Variants in DLG2 observed in about 807,000 individuals in gnomAD.
The protein encoded by DLG2 is disks large homolog 2.
DLG2 carries 45 observed loss-of-function variants against 132.5 expected under a neutral mutation model. The observed-to-expected ratio is 0.34, with a 90% CI of 0.27 to 0.44. The LOEUF (loss-of-function observed/expected upper bound fraction) is 0.44, where lower values mean the gene tolerates loss of function less well. DLG2 is among the 20% of genes least tolerant of loss of function. The pLI is 1.00. For synonymous variants in DLG2, 424 were observed against 419.6 expected (o/e 1.01, Z -0.13); for missense variants, 1,045 against 1,196.9 (o/e 0.87, Z 1.87).
intron 7 of DLG2, among the ~76,000 whole-genome samples, chr11:84,357,144 G>A (rs962619500): frequency 4.6e-5 from 7 of 152,160 alleles, no homozygotes; most frequent in South Asian, 2.1e-4. Flanking sequence ...GCTATGAGCC[G>A]AGACAGCACA....
At position 85,612,512 on chromosome 11, in the gene DLG2, A is replaced by G. The variant is rs536542261; in HGVS notation, c.-92-13724T>C. Among the ~76,000 whole-genome samples, 2 of 152,364 alleles carry G rather than the reference A, an allele frequency of 1.3e-5. 1 individual carries two copies. Among genetic ancestry groups the G allele is most frequent in the South Asian group, 4.1e-4 (2 of 4,834 alleles). On this transcript the variant is annotated intron_variant, in intron 2 of 27. Coordinates refer to ENST00000376104, the MANE Select transcript of DLG2 (RefSeq NM_001142699.3). ...TTTGCACTCAGCCAAACTTTAAAGT[A>G]CTTACAGAATCAGGAAGGAGCCATC... is the stretch of plus-strand genomic sequence containing the variant.
At chr11:83,986,384 A>T (rs952921039) in intron 11 of DLG2, among the ~76,000 whole-genome samples, 1 of 151,798 alleles carries the variant, frequency 6.6e-6, no homozygotes, top group Non-Finnish European at 1.5e-5. Context: ...ACAAAGGACA[A>T]GAACTCATCA....
chr11:83,514,784 C>T (rs1405833584), intron 21 of DLG2, among the ~76,000 whole-genome samples: 2 of 152,044 alleles, frequency 1.3e-5, no homozygotes, highest in Admixed American at 6.6e-5. Flanking sequence ...TCTATTGAGA[C>T]AATCATGTGG....
intron 6 of DLG2, among the ~76,000 whole-genome samples, chr11:84,892,470 C>T (rs958259561): frequency 9.2e-5 from 14 of 152,082 alleles, no homozygotes; most frequent in African/African-American, 3.1e-4. Flanking sequence ...TCATAACTGC[C>T]TATTAAACAT....
chr11:85,015,530 G>A (rs2059499825), intron 6 of DLG2, among the ~76,000 whole-genome samples: 1 of 151,688 alleles, frequency 6.6e-6, no homozygotes, highest in African/African-American at 2.4e-5. Context: ...CTTCATAACT[G>A]AGTGCATTAA....
At chr11:85,242,404 C>T (rs955170678) in intron 4 of DLG2, among the ~76,000 whole-genome samples, 1 of 151,622 alleles carries the variant, frequency 6.6e-6, no homozygotes, top group African/African-American at 2.4e-5. Context: ...GTATTTTGTA[C>T]CCATTACTCT....
intron 11 of DLG2, among the ~76,000 whole-genome samples, chr11:84,022,294 C>T (rs931769049): frequency 6.6e-6 from 1 of 152,130 alleles, no homozygotes; most frequent in Admixed American, 6.5e-5. Context: ...CCAACACATC[C>T]ACTATCCAGC....
At chr11:85,233,001 C>T (rs1364448534) in intron 4 of DLG2, among the ~76,000 whole-genome samples, 1 of 151,912 alleles carries the variant, frequency 6.6e-6, no homozygotes, top group Non-Finnish European at 1.5e-5. Flanking sequence ...TAATGCCTTT[C>T]TTTCCATGCG....
intron 19 of DLG2, among the ~76,000 whole-genome samples, chr11:83,610,053 A>C (rs1475410188): frequency 1.3e-5 from 2 of 152,188 alleles, no homozygotes; most frequent in African/African-American, 4.8e-5. Flanking sequence ...ACATCACACT[A>C]GGTAAAAATA....
chr11:83,868,281 A>T (rs1254111199), intron 16 of DLG2, among the ~76,000 whole-genome samples: 1 of 152,162 alleles, frequency 6.6e-6, no homozygotes, highest in South Asian at 2.1e-4. Context: ...GGGACTCTCA[A>T]CCAAAGCTTT....
At chr11:84,173,945 T>C (rs2095878884) in intron 8 of DLG2, among the ~76,000 whole-genome samples, 1 of 151,382 alleles carries the variant, frequency 6.6e-6, no homozygotes, top group Non-Finnish European at 1.5e-5. Flanking sequence ...CTGCCAGATA[T>C]GAACATTTGC....
intron 3 of DLG2, among the ~76,000 whole-genome samples, chr11:85,413,573 T>C (rs1359552938): frequency 6.6e-6 from 1 of 152,034 alleles, no homozygotes; most frequent in Admixed American, 6.6e-5. Flanking sequence ...GGTGAGTTGA[T>C]TTTTGTATAA....
intron 6 of DLG2, among the ~76,000 whole-genome samples, chr11:84,608,412 T>G (rs988489235): frequency 2.6e-5 from 4 of 152,172 alleles, no homozygotes; most frequent in Non-Finnish European, 5.9e-5. Context: ...AAGGCACTCT[T>G]CACACACTTA....
chr11:85,139,702 T>A (rs1302249334), intron 5 of DLG2, among the ~76,000 whole-genome samples: 1 of 152,080 alleles, frequency 6.6e-6, no homozygotes, highest in Non-Finnish European at 1.5e-5. Flanking sequence ...TTACCTACAG[T>A]CCTCATGGTG....
chr11:84,564,849 A>G (rs1229038052), intron 6 of DLG2, among the ~76,000 whole-genome samples: 1 of 152,214 alleles, frequency 6.6e-6, no homozygotes, highest in East Asian at 1.9e-4. Flanking sequence ...GTGTTTGCAC[A>G]TTCTGTCCAA....
chr11:84,671,830 G>C (rs1200459208), intron 6 of DLG2, among the ~76,000 whole-genome samples: 1 of 152,104 alleles, frequency 6.6e-6, no homozygotes, highest in Non-Finnish European at 1.5e-5. Flanking sequence ...ACTAAGTAAA[G>C]GACAGCTGGC....
intron 15 of DLG2, among the ~76,000 whole-genome samples, chr11:83,903,821 A>G (rs1362082787): frequency 3.3e-5 from 5 of 152,224 alleles, no homozygotes; most frequent in African/African-American, 1.2e-4. Context: ...TATATTATTG[A>G]TATGCAGTAG....
At chr11:85,302,646 T>TAAAAAA (rs202166044) in intron 3 of DLG2, among the ~76,000 whole-genome samples, 1 of 105,854 alleles carries the variant, frequency 9.4e-6, no homozygotes. Context: ...CTTGAAAAGT[T>TAAAAAA]AAAAAAAAAA....
intron 7 of DLG2, among the ~76,000 whole-genome samples, chr11:84,518,865 T>C (rs1010604498): frequency 2.6e-5 from 4 of 152,126 alleles, no homozygotes; most frequent in Admixed American, 6.6e-5. Flanking sequence ...CAGAATGACA[T>C]TGGATGCTGA....
Sources: gnomAD v4.1 joint callset for allele counts (sites outside exome capture counted in the v4.1 genomes callset) on GRCh38, gnomAD v4.1.1 for gene constraint, MANE v1.5 for transcripts, NCBI Gene and HGNC (gene_info 2026-07-23, HGNC 2026-07-21) for gene names.